Variants in SASH1 observed in about 807,000 individuals in gnomAD.
SASH1 encodes SAM and SH3 domain containing 1.
Under a neutral mutation model 125.2 loss-of-function variants are expected in SASH1, and 44 were observed. The ratio of observed to expected loss-of-function variants is 0.35; its 90% confidence interval spans 0.28 to 0.45. The LOEUF (loss-of-function observed/expected upper bound fraction) is 0.45, where lower values mean the gene tolerates loss of function less well. SASH1 is among the 20% of genes least tolerant of loss of function. The probability of loss-of-function intolerance (pLI) is 1.00; values close to 1 mark genes in which losing one functional copy is unlikely to be tolerated. For missense variants in SASH1, 1,426 were observed against 1,614.5 expected, an observed-to-expected ratio of 0.88 and a Z score of 2.00; for synonymous variants, 639 against 649.1, an observed-to-expected ratio of 0.98 and a Z score of 0.24.
At chr6:148,298,789 AAGAAAGAAAAAG>A (rs1223081431) in intron 1 of SASH1, among the ~76,000 whole-genome samples, 3 of 126,884 alleles carry the variant, frequency 2.4e-5, no homozygotes, top group Middle Eastern at 4.1e-3. Flanking sequence ...GAACAAAAGA[AAGAAAGAAAAAG>A]AGAAAGAAAA....
rs1238251642 is a variant in SASH1, at chr6:148,551,143, C to T, written c.*2585C>T. On this transcript the variant is annotated 3_prime_UTR_variant, in exon 20 of 20. Coordinates refer to ENST00000367467, the MANE Select transcript of SASH1 (RefSeq NM_015278.5). ...TTAAATATTTTAAAAATATCTTTAGCGTTTGGTCTTTTTTTTTTCTGTAAA... is the reference window on the plus strand; with the variant it reads ...TTAAATATTTTAAAAATATCTTTAGTGTTTGGTCTTTTTTTTTTCTGTAAA... The T allele has an allele frequency of 2.0e-5, 3 of 151,568 alleles. No homozygotes were observed. The highest frequency in any genetic ancestry group is 1.9e-4 in the East Asian group (1 of 5,178). The allele number at this position is 151,568 out of a possible 1,614,324, so 9.4% of individuals were successfully genotyped here. A position where few individuals can be genotyped will look rare whatever the true frequency, so the allele number is the denominator to read the frequency against.
chr6:148,242,438 T>C, the SASH1 span, among the ~76,000 whole-genome samples: 1 of 145,526 alleles, frequency 6.9e-6, no homozygotes, highest in Non-Finnish European at 1.5e-5. Context: ...GGGAACACTT[T>C]CATGCCCAAG....
At chr6:148,526,115 G>A (rs1781141963) in intron 11 of SASH1, among the ~76,000 whole-genome samples, 1 of 136,458 alleles carries the variant, frequency 7.3e-6, no homozygotes, top group Non-Finnish European at 1.5e-5. Flanking sequence ...CTGGAGTGTA[G>A]TGGCACAATC....
At chr6:148,377,592 T>A (rs1046513393) in intron 1 of SASH1, among the ~76,000 whole-genome samples, 2 of 152,248 alleles carry the variant, frequency 1.3e-5, no homozygotes, top group African/African-American at 4.8e-5. Flanking sequence ...GCTTGGTTTC[T>A]TGTCTTTTGG....
At chr6:148,297,446 A>C (rs927646161) in intron 1 of SASH1, among the ~76,000 whole-genome samples, 1 of 152,246 alleles carries the variant, frequency 6.6e-6, no homozygotes, top group Admixed American at 6.5e-5. Context: ...AAAAAAAAAT[A>C]TGAGCCATCT....
At chr6:148,293,846 G>A (rs1211339138) in intron 1 of SASH1, among the ~76,000 whole-genome samples, 1 of 152,178 alleles carries the variant, frequency 6.6e-6, no homozygotes, top group African/African-American at 2.4e-5. Flanking sequence ...CCGGGAGGAG[G>A]AAAAGCAAAG....
At chr6:148,301,899 T>C (rs1363495996) in intron 1 of SASH1, among the ~76,000 whole-genome samples, 2 of 151,366 alleles carry the variant, frequency 1.3e-5, no homozygotes, top group Non-Finnish European at 2.9e-5. Flanking sequence ...ACCCAACCTG[T>C]AGTTCTATAT....
intron 19 of SASH1, among the ~76,000 whole-genome samples, chr6:148,547,653 A>G (rs1583344902): frequency 6.6e-6 from 1 of 152,192 alleles, no homozygotes; most frequent in African/African-American, 2.4e-5. Flanking sequence ...CTGAGTAGAT[A>G]TTCCTGGAAG....
intron 8 of SASH1, among the ~76,000 whole-genome samples, chr6:148,509,980 G>A (rs1311980414): frequency 2.0e-5 from 3 of 152,192 alleles, no homozygotes; most frequent in African/African-American, 4.8e-5. Context: ...GGCCCCATAG[G>A]TTCCTCATTC....
rs140130522 is a variant in SASH1 at position 148,391,752 on chromosome 6, G to A, written c.285+1490G>A. On this transcript the variant is annotated intron_variant, in intron 2 of 19. Transcript: ENST00000367467. ...ATATTTGCTATAAAATATCATAAAAGCGTCTGCATTTCTCAGTTTAAATGT... is the reference window on the plus strand; with the variant it reads ...ATATTTGCTATAAAATATCATAAAAACGTCTGCATTTCTCAGTTTAAATGT... 2.1e-3 allele frequency among the ~76,000 whole-genome samples: 323 copies of A among 152,268 alleles called. 2 individuals carry two copies. The highest frequency in any genetic ancestry group is 7.0e-3 in the African/African-American group (291 of 41,544).
chr6:148,468,635 T>C (rs1777959475), intron 5 of SASH1, 50 bp downstream of exon 5: 1 of 1,177,094 alleles, frequency 8.5e-7, no homozygotes. Flanking sequence ...CAATACTTTA[T>C]AGAAAACACG....
chr6:148,249,092 A>G, the SASH1 span, among the ~76,000 whole-genome samples: 82 of 151,684 alleles, frequency 5.4e-4, 1 homozygote, highest in Non-Finnish European at 8.0e-4. Context: ...GAATGAATGA[A>G]TGAGTGACTA....
At chr6:148,255,699 G>A in the SASH1 span, among the ~76,000 whole-genome samples, 9 of 152,064 alleles carry the variant, frequency 5.9e-5, 1 homozygote, top group African/African-American at 1.9e-4. Flanking sequence ...GTGCAGTGGC[G>A]TGGTGCCATC....
intron 4 of SASH1, among the ~76,000 whole-genome samples, chr6:148,464,665 A>G (rs1777756237): frequency 6.6e-6 from 1 of 152,224 alleles, no homozygotes; most frequent in Non-Finnish European, 1.5e-5. Context: ...TGTAATAATC[A>G]TTCTCAAGGA....
chr6:148,368,770 G>GCGCACACACACACACACACACACACA (rs1554245330), intron 1 of SASH1, among the ~76,000 whole-genome samples: 25 of 135,730 alleles, frequency 1.8e-4, no homozygotes, highest in African/African-American at 5.6e-4. Flanking sequence ...GCACGCGCGC[G>GCGCACACACACACACACACACACACA]CACACACACA....
intron 2 of SASH1, among the ~76,000 whole-genome samples, chr6:148,412,627 C>G (rs1156753157): frequency 6.6e-6 from 1 of 152,254 alleles, no homozygotes; most frequent in East Asian, 1.9e-4. Context: ...CATACAAGCA[C>G]AACACCAGAA....
chr6:148,253,382 C>T, the SASH1 span, among the ~76,000 whole-genome samples: 1 of 152,040 alleles, frequency 6.6e-6, no homozygotes, highest in Non-Finnish European at 1.5e-5. Context: ...TAAAGCTGGA[C>T]CCCTACCTTA....
chr6:148,435,344 G>A (rs973791858), intron 2 of SASH1, among the ~76,000 whole-genome samples: 29 of 144,294 alleles, frequency 2.0e-4, no homozygotes, highest in Admixed American at 2.0e-3. Context: ...GTGCCATTGC[G>A]CTCCAGCCTG....
chr6:148,319,254 C>A (rs1176833777), intron 1 of SASH1, among the ~76,000 whole-genome samples: 3 of 151,690 alleles, frequency 2.0e-5, no homozygotes, highest in African/African-American at 7.2e-5. Context: ...CCAGGATGGT[C>A]TTGATCTCCT....
Sources: gnomAD v4.1 joint callset for allele counts (sites outside exome capture counted in the v4.1 genomes callset) on GRCh38, gnomAD v4.1.1 for gene constraint, MANE v1.5 for transcripts, NCBI Gene and HGNC (gene_info 2026-07-23, HGNC 2026-07-21) for gene names.